The following KCNC2 variants were observed in gnomAD, a reference collection of about 807,000 sequenced individuals.
The protein encoded by KCNC2 is voltage-gated potassium channel KCNC2.
KCNC2 carries 21 observed loss-of-function variants against 44.5 expected under a neutral mutation model. That is an observed-to-expected ratio of 0.47 (90% CI 0.33 to 0.68). KCNC2 has a LOEUF of 0.68. Among genes scored for constraint, KCNC2 ranks in the 30% least tolerant of loss-of-function variants. The pLI, the probability that KCNC2 is intolerant of heterozygous loss-of-function variation, is 0.01. For missense variants in KCNC2, 589 were observed against 826.2 expected (o/e 0.71, Z 3.52); for synonymous variants, 391 against 339.1 (o/e 1.15, Z -1.68).
chr12:75,178,988 A>G (rs1042972902), intron 2 of KCNC2, among the ~76,000 whole-genome samples: 8 of 151,872 alleles, frequency 5.3e-5, no homozygotes, highest in African/African-American at 1.9e-4. Flanking sequence ...CCTATAGAAA[A>G]CAAACAAACA....
At chr12:75,182,971 C>T (rs1431135292) in intron 2 of KCNC2, among the ~76,000 whole-genome samples, 2 of 152,186 alleles carry the variant, frequency 1.3e-5, no homozygotes, top group Non-Finnish European at 2.9e-5. Flanking sequence ...ATGAATGAAG[C>T]ACAGTGAGCC....
intron 2 of KCNC2, among the ~76,000 whole-genome samples, chr12:75,071,937 CAAAAAAAAAAAAAAA>C (rs751849483): frequency 1.5e-5 from 1 of 67,358 alleles, no homozygotes; most frequent in African/African-American, 8.1e-5. Context: ...GACTCCTTCT[CAAAAAAAAAAAAAAA>C]AAAAAAAAAA....
intron 2 of KCNC2, among the ~76,000 whole-genome samples, chr12:75,149,089 A>G (rs1204748127): frequency 6.6e-6 from 1 of 151,856 alleles, no homozygotes; most frequent in Non-Finnish European, 1.5e-5. Context: ...AACCCAAGTG[A>G]TGAATGGCCA....
intron 2 of KCNC2, among the ~76,000 whole-genome samples, chr12:75,060,940 A>G (rs1882256560): frequency 6.6e-6 from 1 of 152,156 alleles, no homozygotes; most frequent in African/African-American, 2.4e-5. Flanking sequence ...CTGGCAAAGA[A>G]CTACTAAGTA....
chr12:75,090,663 C>T (rs1264322893), intron 2 of KCNC2, among the ~76,000 whole-genome samples: 1 of 151,602 alleles, frequency 6.6e-6, no homozygotes, highest in Non-Finnish European at 1.5e-5. Context: ...AAATCCATGT[C>T]TTTGTGACCC....
At chr12:75,186,719 C>T (rs1892981399) in intron 2 of KCNC2, among the ~76,000 whole-genome samples, 1 of 152,150 alleles carries the variant, frequency 6.6e-6, no homozygotes, top group Non-Finnish European at 1.5e-5. Context: ...GAAAAACTGC[C>T]ATTAACTTTC....
At chr12:75,083,477 C>G (rs989340342) in intron 2 of KCNC2, among the ~76,000 whole-genome samples, 18 of 151,998 alleles carry the variant, frequency 1.2e-4, no homozygotes, top group African/African-American at 4.3e-4. Flanking sequence ...GAGAATAACA[C>G]ATTAGAAAAC....
intron 2 of KCNC2, among the ~76,000 whole-genome samples, chr12:75,108,509 C>T (rs143492981): frequency 6.6e-6 from 1 of 152,180 alleles, no homozygotes; most frequent in East Asian, 1.9e-4. Flanking sequence ...TTCTCTAATA[C>T]TGTTGCTTAA....
At chr12:75,144,620 T>TGG (rs144916651) in intron 2 of KCNC2, among the ~76,000 whole-genome samples, 2 of 146,480 alleles carry the variant, frequency 1.4e-5, no homozygotes, top group African/African-American at 2.5e-5. Flanking sequence ...GGGTGTACTT[T>TGG]TGTGTGTGTG....
chr12:75,073,221 T>C (rs574178748), intron 2 of KCNC2, among the ~76,000 whole-genome samples: 1 of 152,302 alleles, frequency 6.6e-6, no homozygotes, highest in South Asian at 2.1e-4. Flanking sequence ...CATGCCGGAA[T>C]AACAATAATA....
chr12:75,110,894 G>A (rs1021683270), intron 2 of KCNC2, among the ~76,000 whole-genome samples: 1 of 152,046 alleles, frequency 6.6e-6, no homozygotes, highest in African/African-American at 2.4e-5. Context: ...TGCACAGGAA[G>A]TGGCCACTAA....
chr12:75,130,930 C>T (rs1888799964), intron 2 of KCNC2, among the ~76,000 whole-genome samples: 1 of 152,034 alleles, frequency 6.6e-6, no homozygotes, highest in Non-Finnish European at 1.5e-5. Context: ...ACAGACAAAT[C>T]AATCCCATCT....
At chr12:75,056,223 GC>G (rs1881731046) in intron 2 of KCNC2, among the ~76,000 whole-genome samples, 1 of 151,892 alleles carries the variant, frequency 6.6e-6, no homozygotes, top group African/African-American at 2.4e-5. Flanking sequence ...TTCCACTGGA[GC>G]CAACACAGAA....
intron 2 of KCNC2, among the ~76,000 whole-genome samples, chr12:75,094,067 C>G (rs1487645568): frequency 1.3e-5 from 2 of 151,528 alleles, no homozygotes; most frequent in Non-Finnish European, 3.0e-5. Context: ...TCTTGCTTCC[C>G]CTTTGGGTTG....
At chr12:75,103,098 G>A (rs937892304) in intron 2 of KCNC2, among the ~76,000 whole-genome samples, 9 of 152,082 alleles carry the variant, frequency 5.9e-5, no homozygotes, top group African/African-American at 2.2e-4. Context: ...CTAAGAAGGT[G>A]CCGAATTGCT....
At chr12:75,046,612 G>A (rs1880549398) in intron 4 of KCNC2, among the ~76,000 whole-genome samples, 1 of 151,764 alleles carries the variant, frequency 6.6e-6, no homozygotes, top group African/African-American at 2.4e-5. Context: ...TTGATATGAT[G>A]ATTATTATTT....
chr12:75,068,793 T>C (rs1429549481), intron 2 of KCNC2, among the ~76,000 whole-genome samples: 1 of 152,130 alleles, frequency 6.6e-6, no homozygotes, highest in Non-Finnish European at 1.5e-5. Context: ...CATGAGACTG[T>C]TGAGCCCAGA....
intron 2 of KCNC2, among the ~76,000 whole-genome samples, chr12:75,085,034 C>A (rs1293312893): frequency 1.3e-5 from 2 of 150,798 alleles, no homozygotes; most frequent in African/African-American, 4.9e-5. Context: ...TAGGAATTCA[C>A]AAAAAAAAGG....
At chr12:75,113,558 G>A (rs1887415881) in intron 2 of KCNC2, among the ~76,000 whole-genome samples, 1 of 151,984 alleles carries the variant, frequency 6.6e-6, no homozygotes, top group Non-Finnish European at 1.5e-5. Flanking sequence ...CAGAATTCTG[G>A]CCTGTTAACA....
Sources: allele counts gnomAD v4.1 joint callset (sites outside exome capture counted in the v4.1 genomes callset), GRCh38; gene constraint gnomAD v4.1.1; transcripts MANE v1.5; gene names NCBI Gene and HGNC (gene_info 2026-07-23, HGNC 2026-07-21).